The following MAFF variants were observed in gnomAD, a reference collection of about 807,000 sequenced individuals.
MAFF encodes MAF bZIP transcription factor F.
Under a neutral mutation model 2.7 loss-of-function variants are expected in MAFF, and 4 were observed. The ratio of observed to expected loss-of-function variants is 1.48; its 90% CI spans 0.73 to 3.39. The LOEUF (loss-of-function observed/expected upper bound fraction) is 3.39. MAFF is among the 30% of genes most tolerant of loss of function. The pLI is 0.01. For missense variants in MAFF, 190 were observed against 246.6 expected (o/e 0.77, Z 1.54); for synonymous variants, 113 against 119.4 (o/e 0.95, Z 0.35).
In MAFF at chr22:38,214,650, G is replaced by A. The variant is rs1273990095; in HGVS notation, c.267G>A (p.Glu89=). ...LQKQKSELER[E]VDKLARENAA... is the part of the protein sequence containing the mutation. The stretch of plus-strand genomic sequence containing the variant: ...AGCAGAAGTCGGAGCTGGAGCGCGA[G>A]GTGGACAAGCTGGCGCGCGAGAACG... Residue 89 remains glutamate, a synonymous_variant, in exon 3 of 3, where the codon GAG becomes GAA. Coordinates refer to ENST00000338483, the MANE Select transcript of MAFF (RefSeq NM_012323.4). This position sits in a 1 kb window ranked among gnomAD's most constrained non-coding sequence, Gnocchi z 6.3. The A allele has an allele frequency of 6.4e-7, 1 of 1,558,628 alleles. No individual in the cohort carries two copies. Among genetic ancestry groups the A allele is most frequent in the East Asian group, 2.4e-5 (1 of 41,538 alleles).
intron 1 of MAFF, among the ~76,000 whole-genome samples, chr22:38,207,846 T>A (rs1005240751): frequency 2.0e-5 from 3 of 152,188 alleles, no homozygotes; most frequent in African/African-American, 4.8e-5. Context: ...TACCCCATGC[T>A]GGCTGTATGA....
At chr22:38,205,950 G>A (rs796360351) in intron 1 of MAFF, among the ~76,000 whole-genome samples, 10 of 152,354 alleles carry the variant, frequency 6.6e-5, no homozygotes, top group African/African-American at 2.4e-4. Context: ...GCTGAGCTAG[G>A]ACATTCCTGG....
At chr22:38,211,330 G>A (rs893555014) in intron 1 of MAFF, among the ~76,000 whole-genome samples, 4 of 151,636 alleles carry the variant, frequency 2.6e-5, no homozygotes, top group South Asian at 2.1e-4. Context: ...GGGTTCAAGC[G>A]ATTCTTTTGT....
At chr22:38,208,179 C>T (rs1319722854) in intron 1 of MAFF, among the ~76,000 whole-genome samples, 2 of 152,194 alleles carry the variant, frequency 1.3e-5, no homozygotes, top group Non-Finnish European at 2.9e-5. Context: ...CAATTCTAAC[C>T]TCCCAGCTGC....
intron 1 of MAFF, 164 bp from the exon 2 acceptor site, chr22:38,213,659 G>A: frequency 1.4e-6 from 1 of 693,906 alleles, no homozygotes; most frequent in Non-Finnish European, 2.7e-6. Context: ...GCTGGAAGGA[G>A]CCATTCAAGG....
chr22:38,212,438 C>A (rs536858441), intron 1 of MAFF, among the ~76,000 whole-genome samples: 3 of 152,358 alleles, frequency 2.0e-5, no homozygotes, highest in Admixed American at 2.0e-4. Context: ...GAGAGGACTG[C>A]TGCTTTAAAG....
intron 1 of MAFF, among the ~76,000 whole-genome samples, chr22:38,210,623 A>AGCGTGTGTGT (rs149088492): frequency 7.5e-6 from 1 of 132,920 alleles, no homozygotes; most frequent in East Asian, 2.3e-4. Flanking sequence ...GGACACAGGG[A>AGCGTGTGTGT]GTGTGTGTGT....
intron 1 of MAFF, chr22:38,213,563 A>C: frequency 1.7e-6 from 1 of 581,346 alleles, no homozygotes; most frequent in Non-Finnish European, 3.3e-6. Context: ...CCTCCTGAGG[A>C]GGTGACATTG....
In MAFF at chr22:38,209,135, G is replaced by A. The variant is rs928496295; in HGVS notation, c.-31-4688G>A. Among the ~76,000 whole-genome samples the A allele has an allele frequency of 4.0e-5, 6 of 151,736 alleles. 1 individual carries two copies. Among genetic ancestry groups the A allele is most frequent in the South Asian group, 2.1e-4 (1 of 4,802 alleles). ...GGCTGGAGTGCAGTGTCGCGATCTC[G>A]GCTCACTGCATGCTTCACCTCCCGG... is the stretch of plus-strand genomic sequence containing the variant. On this transcript the variant is annotated intron_variant, in intron 1 of 2. Coordinates refer to ENST00000338483, the MANE Select transcript of MAFF (RefSeq NM_012323.4).
At position 38,215,070 on chromosome 22, in the gene MAFF, GAAC is replaced by G; in HGVS notation, c.*193_*195del. On this transcript the variant is annotated 3_prime_UTR_variant, in exon 3 of 3. Transcript: ENST00000338483. ...TGGGACCGAATGACCCTGGGAAGGG[GAAC>G]TTGGGTAGGTTGGGGATGGGGCAGA... 1.8e-6 allele frequency: 1 copy of G among 554,458 alleles called. No individual in the cohort carries two copies. The highest frequency in any genetic ancestry group is 2.7e-4 in the Middle Eastern group (1 of 3,690). The allele number at this position is 554,458 out of a possible 1,614,324, so 34.3% of individuals were successfully genotyped here. A position where few individuals can be genotyped will look rare whatever the true frequency, so the allele number is the denominator to read the frequency against.
chr22:38,214,570 G>T lies in MAFF; in HGVS notation c.187G>T (p.Gly63Cys), dbSNP rs970099789. The change falls in exon 3 of 3, where the codon GGC becomes TGC. Residue 63 changes from glycine to cysteine, a missense_variant. Physicochemically the swap from Gly to Cys is radical, Grantham distance 159 (BLOSUM62 -3). Around this residue, in one of 2 missense-constraint regions of MAFF, gnomAD observed 87 missense variants for 143.6 expected, o/e 0.61. Coordinates refer to ENST00000338483, the MANE Select transcript of MAFF (RefSeq NM_012323.4). The surrounding 1 kb of genome is among the most constrained non-coding windows in gnomAD (Gnocchi z 6.3). ...GCGGCGCCGCACACTCAAAAACCGT[G>T]GCTACGCCGCCAGCTGCCGCGTGAA... ...KQRRRTLKNR[G>C]YAASCRVKRV... 6.2e-7 allele frequency: 1 copy of T among 1,602,428 alleles called. No homozygotes were observed. The highest frequency in any genetic ancestry group is 1.3e-5 in the African/African-American group (1 of 74,736).
chr22:38,210,623 A>AGAGTGTGTGTGTGTGT (rs149088492), intron 1 of MAFF, among the ~76,000 whole-genome samples: 8 of 132,920 alleles, frequency 6.0e-5, no homozygotes, highest in Non-Finnish European at 1.3e-4. Flanking sequence ...GGACACAGGG[A>AGAGTGTGTGTGTGTGT]GTGTGTGTGT....
Position 38,214,929 on chromosome 22 carries a change from C to A in MAFF, c.*51C>A. 1 of 1,378,288 alleles carries A rather than the reference C, an allele frequency of 7.3e-7. No individual in the cohort carries two copies. Among genetic ancestry groups the A allele is most frequent in the South Asian group, 1.3e-5 (1 of 78,882 alleles). 85.4% of individuals were successfully genotyped at this position (1,378,288 alleles called of 1,614,324 possible). A position where few individuals can be genotyped will look rare whatever the true frequency, so the allele number is the denominator to read the frequency against. Reference sequence around the variant, plus strand: ...ACGCCCCTCCGGCCTCAGCTCCCTCCCCAAAGTGCCTGAGCGCCGCCTCTG... The same window carrying A: ...ACGCCCCTCCGGCCTCAGCTCCCTCACCAAAGTGCCTGAGCGCCGCCTCTG... On this transcript the variant is annotated 3_prime_UTR_variant, in exon 3 of 3. Transcript: ENST00000338483. This position sits in a 1 kb window ranked among gnomAD's most constrained non-coding sequence, Gnocchi z 6.3.
chr22:38,208,451 G>C lies in MAFF; in HGVS notation c.-31-5372G>C, dbSNP rs962808057. Among the ~76,000 whole-genome samples the C allele has an allele frequency of 1.4e-4, 22 of 152,194 alleles. 1 individual carries two copies. Among genetic ancestry groups the C allele is most frequent in the Admixed American group, 1.3e-3 (20 of 15,270 alleles). Reference sequence around the variant, plus strand: ...CCTCTGCTCTCTTCCCATTCGCCTAGCATCTGTACTGTCTCTGCCAACAGG... The same window carrying C: ...CCTCTGCTCTCTTCCCATTCGCCTACCATCTGTACTGTCTCTGCCAACAGG... On this transcript the variant is annotated intron_variant, in intron 1 of 2. Coordinates refer to ENST00000338483, the MANE Select transcript of MAFF (RefSeq NM_012323.4).
At chr22:38,209,468 G>A (rs1189039585) in intron 1 of MAFF, among the ~76,000 whole-genome samples, 1 of 152,114 alleles carries the variant, frequency 6.6e-6, no homozygotes, top group Non-Finnish European at 1.5e-5. Flanking sequence ...GCAGGGAGGT[G>A]TGCTGGGACC....
At chr22:38,206,369 T>G (rs2091051962) in intron 1 of MAFF, among the ~76,000 whole-genome samples, 1 of 143,560 alleles carries the variant, frequency 7.0e-6, no homozygotes, top group African/African-American at 2.6e-5. Context: ...TTTGATGGAG[T>G]CTCGCTCTGT....
At chr22:38,209,979 A>G (rs1333220871) in intron 1 of MAFF, among the ~76,000 whole-genome samples, 1 of 152,122 alleles carries the variant, frequency 6.6e-6, no homozygotes, top group Non-Finnish European at 1.5e-5. Flanking sequence ...GAGGCCCCCA[A>G]GGAGAGCTAG....
At position 38,214,449 on chromosome 22, in the gene MAFF, G is replaced by C; in HGVS notation, c.66G>C (p.Pro22=). The C allele has an allele frequency of 6.2e-7, 1 of 1,606,400 alleles. No homozygotes were observed. The highest frequency in any genetic ancestry group is 8.5e-7 in the Non-Finnish European group (1 of 1,177,294). The change falls in exon 3 of 3, where the codon CCG becomes CCC. Residue 22 remains proline (P), a synonymous_variant. Coordinates refer to ENST00000338483, the MANE Select transcript of MAFF (RefSeq NM_012323.4). The surrounding 1 kb of genome is among the most constrained non-coding windows in gnomAD (Gnocchi z 6.3). ...KIKRELSENT[P]HLSDEALMGL... ...AGCGAGAGCTGAGCGAGAACACGCC[G>C]CACCTGTCGGACGAGGCGCTGATGG...
intron 1 of MAFF, among the ~76,000 whole-genome samples, chr22:38,206,878 C>A (rs760009552): frequency 1.3e-5 from 2 of 151,916 alleles, no homozygotes; most frequent in African/African-American, 4.8e-5. Context: ...CATCACTGCA[C>A]GTGCCAGCTC....
Sources: allele counts gnomAD v4.1 joint callset (sites outside exome capture counted in the v4.1 genomes callset), GRCh38; gene constraint gnomAD v4.1.1; regional missense constraint gnomAD v4.1.1; non-coding constraint Gnocchi (gnomAD v3.1); transcripts MANE v1.5; gene names NCBI Gene and HGNC (gene_info 2026-07-23, HGNC 2026-07-21).